Variants in IL18R1 observed in about 807,000 individuals in gnomAD.
IL18R1 encodes the protein interleukin-18 receptor 1.
IL18R1 carries 40 observed loss-of-function variants against 48.5 expected under a neutral mutation model. That is an observed-to-expected ratio of 0.82 (90% CI 0.64 to 1.07). IL18R1 has a LOEUF of 1.07. Among genes scored for constraint, IL18R1 ranks in the 50% least tolerant of loss-of-function variants. IL18R1 has a pLI of 0.00. For missense variants in IL18R1, 596 were observed against 633.7 expected (o/e 0.94, Z 0.64); for synonymous variants, 232 against 225.9 (o/e 1.03, Z -0.24).
intron 8 of IL18R1, among the ~76,000 whole-genome samples, 197 bp from the exon 9 acceptor site, chr2:102,389,859 C>A (rs1210818342): frequency 6.6e-6 from 1 of 152,078 alleles, no homozygotes; most frequent in East Asian, 1.9e-4. Context: ...CATTTTTATT[C>A]TTTAAAAATC....
Position 102,376,064 on chromosome 2 carries a change from G to A in IL18R1, c.625+1G>A. ...ACCTTCAATATAACAATAGTGGAAG[G>A]TAAGGGAAATCTTAGAATTGGGAAG... On this transcript the variant is annotated splice_donor_variant, in intron 5 of 10. Transcript: ENST00000233957. LOFTEE classifies it high-confidence loss of function. The A allele has an allele frequency of 6.4e-7, 1 of 1,558,376 alleles. No homozygotes were observed. Among genetic ancestry groups the A allele is most frequent in the Non-Finnish European group, 8.6e-7 (1 of 1,159,054 alleles).
chr2:102,390,033 T>C, intron 8 of IL18R1, 23 bp from the exon 9 acceptor site: 1 of 1,611,836 alleles, frequency 6.2e-7, no homozygotes, highest in Non-Finnish European at 8.5e-7. Context: ...TATTTTCTTT[T>C]CCTTTTTCCC....
chr2:102,369,219 G>T (rs1295167506), intron 3 of IL18R1, among the ~76,000 whole-genome samples: 2 of 152,094 alleles, frequency 1.3e-5, no homozygotes, highest in Non-Finnish European at 2.9e-5. Flanking sequence ...ACTCCTGATT[G>T]AATGAAGGCA....
rs564179940 is a variant in IL18R1 at position 102,375,793 on chromosome 2, A to G, written c.469-114A>G. Reference sequence around the variant, plus strand: ...CTGGGACATATGTCCAGGAATTGCTACTTTCCATTCTTTTTTCCTTTTTCT... The same window carrying G: ...CTGGGACATATGTCCAGGAATTGCTGCTTTCCATTCTTTTTTCCTTTTTCT... On this transcript the variant is annotated intron_variant, in intron 4 of 10. Transcript: ENST00000233957. 4.3e-5 allele frequency: 28 copies of G among 654,530 alleles called. No individual in the cohort carries two copies. The Admixed American group carries it at 8.8e-4, about 20-fold the overall frequency. 40.5% of individuals were successfully genotyped at this position (654,530 alleles called of 1,614,324 possible).
At position 102,359,114 on chromosome 2, in the gene IL18R1, G is replaced by A. The variant is rs1482293830; in HGVS notation, c.-29+2714G>A. On this transcript the variant is annotated intron_variant, in intron 1 of 10. Coordinates refer to ENST00000233957, the MANE Select transcript of IL18R1 (RefSeq NM_003855.5). The stretch of plus-strand genomic sequence containing the variant: ...GCAGTAGAGTGCTCAGGGAGGACCT[G>A]TACATTATAAGCTAGTGTCAGCAAA... Among the ~76,000 whole-genome samples, 4 of 152,134 alleles carry A rather than the reference G, an allele frequency of 2.6e-5. 1 individual carries two copies. Among genetic ancestry groups the A allele is most frequent in the Non-Finnish European group, 5.9e-5 (4 of 68,022 alleles).
chr2:102,391,268 C>T (rs1257972136), intron 9 of IL18R1, among the ~76,000 whole-genome samples: 1 of 152,078 alleles, frequency 6.6e-6, no homozygotes, highest in East Asian at 1.9e-4. Flanking sequence ...CTATGATTCC[C>T]ACCCCTCATT....
chr2:102,370,129 T>C (rs1222010587), intron 3 of IL18R1, among the ~76,000 whole-genome samples: 1 of 152,118 alleles, frequency 6.6e-6, no homozygotes, highest in Non-Finnish European at 1.5e-5. Flanking sequence ...TGGTCACAGC[T>C]TTGGGTCAGT....
chr2:102,379,134 T>C (rs1001476557), intron 5 of IL18R1, among the ~76,000 whole-genome samples: 1 of 152,108 alleles, frequency 6.6e-6, no homozygotes, highest in African/African-American at 2.4e-5. Context: ...TTATGTGACA[T>C]GGGAGCCTTC....
chr2:102,385,071 T>G (rs1680153159), intron 7 of IL18R1, 73 bp downstream of exon 7: 2 of 764,264 alleles, frequency 2.6e-6, no homozygotes, highest in African/African-American at 1.8e-5. Context: ...AACATCATAT[T>G]AAAAACACTG....
chr2:102,358,482 G>A (rs899022473), intron 1 of IL18R1, among the ~76,000 whole-genome samples: 3 of 152,060 alleles, frequency 2.0e-5, no homozygotes, highest in Non-Finnish European at 4.4e-5. Flanking sequence ...GTGACTATTC[G>A]TTATGTGTGT....
intron 3 of IL18R1, among the ~76,000 whole-genome samples, chr2:102,371,355 C>T (rs893439932): frequency 1.3e-5 from 2 of 152,134 alleles, no homozygotes; most frequent in Non-Finnish European, 2.9e-5. Flanking sequence ...AATTTCTGAT[C>T]AGGAGTAACA....
At chr2:102,384,167 C>T (rs1249144674) in intron 6 of IL18R1, among the ~76,000 whole-genome samples, 1 of 152,200 alleles carries the variant, frequency 6.6e-6, no homozygotes, top group Non-Finnish European at 1.5e-5. Context: ...GTCTTCATCT[C>T]TGATAGCTGG....
At position 102,374,708 on chromosome 2, in the gene IL18R1, G is replaced by A. The variant is rs1046097220; in HGVS notation, c.469-1199G>A. On this transcript the variant is annotated intron_variant, in intron 4 of 10. Coordinates refer to ENST00000233957, the MANE Select transcript of IL18R1 (RefSeq NM_003855.5). ...AAGGAGAATCACTTGAACCCGGGAG[G>A]CAGAGGTTGCAGCGAGCCGAGACTG... Among the ~76,000 whole-genome samples the A allele has an allele frequency of 1.4e-4, 21 of 152,008 alleles. 1 individual carries two copies. The highest frequency in any genetic ancestry group is 2.9e-5 in the Non-Finnish European group (2 of 68,024).
chr2:102,370,937 A>C (rs1679213127), intron 3 of IL18R1, among the ~76,000 whole-genome samples: 1 of 152,226 alleles, frequency 6.6e-6, no homozygotes, highest in South Asian at 2.1e-4. Context: ...TTAGCAAATA[A>C]ATCTATACAT....
chr2:102,388,931 C>T (rs939130878), intron 8 of IL18R1, among the ~76,000 whole-genome samples: 2 of 151,952 alleles, frequency 1.3e-5, no homozygotes, highest in Non-Finnish European at 2.9e-5. Flanking sequence ...CTAGAGATGC[C>T]CCCACCATTA....
chr2:102,387,026 T>A (rs1351451263), intron 8 of IL18R1, 26 bp downstream of exon 8: 10 of 1,607,956 alleles, frequency 6.2e-6, no homozygotes, highest in Non-Finnish European at 8.5e-6. Flanking sequence ...TTTTGGAAGT[T>A]TTGAAACTTA....
intron 1 of IL18R1, among the ~76,000 whole-genome samples, chr2:102,359,495 G>T (rs1386682029): frequency 1.3e-5 from 2 of 152,106 alleles, no homozygotes; most frequent in Non-Finnish European, 2.9e-5. Context: ...TCTGAGAACT[G>T]GACAAAAGAC....
chr2:102,366,448 A>G (rs566581222), intron 2 of IL18R1, among the ~76,000 whole-genome samples: 12 of 152,342 alleles, frequency 7.9e-5, no homozygotes, highest in African/African-American at 2.9e-4. Flanking sequence ...AGGAAGTTCC[A>G]AACTTTTCCA....
intron 9 of IL18R1, among the ~76,000 whole-genome samples, chr2:102,390,704 C>T (rs749653276): frequency 1.2e-4 from 19 of 152,162 alleles, no homozygotes; most frequent in Admixed American, 5.2e-4. Flanking sequence ...GAGTCCGAGA[C>T]GGGCAGATCA....
Sources: allele counts gnomAD v4.1 joint callset (sites outside exome capture counted in the v4.1 genomes callset), GRCh38; gene constraint gnomAD v4.1.1; transcripts MANE v1.5; gene names NCBI Gene and HGNC (gene_info 2026-07-23, HGNC 2026-07-21).